The following DSCAML1 variants were observed in gnomAD, a reference collection of about 807,000 sequenced individuals.
DSCAML1 encodes DS cell adhesion molecule like 1, also known as cell adhesion molecule DSCAML1.
DSCAML1 carries 38 observed loss-of-function variants against 200.5 expected under a neutral mutation model. The observed-to-expected ratio is 0.19, with a 90% confidence interval of 0.15 to 0.25. The LOEUF (loss-of-function observed/expected upper bound fraction) is 0.25, where lower values mean the gene tolerates loss of function less well. Among genes scored for constraint, DSCAML1 ranks in the 10% least tolerant of loss-of-function variants. The pLI, the probability that DSCAML1 is intolerant of heterozygous loss-of-function variation, is 1.00. For synonymous variants in DSCAML1, 1,215 were observed against 1,165.0 expected (o/e 1.04, Z -0.87); for missense variants, 2,223 against 2,858.8 (o/e 0.78, Z 5.07).
intron 11 of DSCAML1, among the ~76,000 whole-genome samples, chr11:117,486,410 G>GTGGCGGATGTGAAAA (rs1169482541): frequency 2.0e-5 from 3 of 151,762 alleles, no homozygotes; most frequent in Non-Finnish European, 4.4e-5. Context: ...GGATGGGAAA[G>GTGGCGGATGTGAAAA]TGGCGGATGT....
intron 3 of DSCAML1, among the ~76,000 whole-genome samples, chr11:117,557,895 G>A (rs2050587960): frequency 6.6e-6 from 1 of 152,076 alleles, no homozygotes; most frequent in Non-Finnish European, 1.5e-5. Context: ...GGCATTTTTG[G>A]TTGTCATGAC....
intron 3 of DSCAML1, among the ~76,000 whole-genome samples, chr11:117,759,684 G>A (rs1176722225): frequency 6.6e-6 from 1 of 152,100 alleles, no homozygotes; most frequent in Non-Finnish European, 1.5e-5. Flanking sequence ...TCTCTGGACG[G>A]GAGGACAGAG....
At chr11:117,681,128 C>T (rs1475731129) in intron 3 of DSCAML1, among the ~76,000 whole-genome samples, 1 of 152,148 alleles carries the variant, frequency 6.6e-6, no homozygotes, top group Non-Finnish European at 1.5e-5. Context: ...CATCTGCAAA[C>T]CCACCCTTCT....
intron 20 of DSCAML1, among the ~76,000 whole-genome samples, chr11:117,446,602 CAAAGAAAGG>C: frequency 6.6e-6 from 1 of 151,832 alleles, no homozygotes. Context: ...AACTAGTAAC[CAAAGAAAGG>C]TACTTTAAAA....
At chr11:117,484,801 A>G (rs2049004577) in intron 11 of DSCAML1, among the ~76,000 whole-genome samples, 1 of 152,008 alleles carries the variant, frequency 6.6e-6, no homozygotes, top group Non-Finnish European at 1.5e-5. Context: ...TGGGACCCCC[A>G]TGGGTCGGGC....
At chr11:117,694,424 G>A (rs2053552707) in intron 3 of DSCAML1, among the ~76,000 whole-genome samples, 1 of 151,378 alleles carries the variant, frequency 6.6e-6, no homozygotes, top group Non-Finnish European at 1.5e-5. Flanking sequence ...AAAAAAAAAA[G>A]ATATGTGTCC....
At chr11:117,792,397 G>A (rs1324272471) in intron 1 of DSCAML1, among the ~76,000 whole-genome samples, 1 of 152,038 alleles carries the variant, frequency 6.6e-6, no homozygotes, top group East Asian at 1.9e-4. Context: ...GGGCCACTCA[G>A]CTCTCCTGAA....
At chr11:117,566,340 T>TTCTC (rs57468415) in intron 3 of DSCAML1, among the ~76,000 whole-genome samples, 25 of 141,848 alleles carry the variant, frequency 1.8e-4, no homozygotes, top group East Asian at 1.2e-3. Flanking sequence ...TTTCTTTTCT[T>TTCTC]TCTCTCTCTC....
In DSCAML1 at chr11:117,480,121, G is replaced by A. The variant is rs546482118; in HGVS notation, c.2785+322C>T. 6.6e-6 allele frequency among the ~76,000 whole-genome samples: 1 copy of A among 152,292 alleles called. No individual in the cohort carries two copies. Among genetic ancestry groups the A allele is most frequent in the Non-Finnish European group, 1.5e-5 (1 of 68,024 alleles). ...CGTGATGCTTCTGATGCCAGAGACA[G>A]CCCACAGCCCTGGGTTCAGTGCCCT... On this transcript the variant is annotated intron_variant, in intron 14 of 32. Transcript: ENST00000651296. The surrounding 1 kb of genome is among the most constrained non-coding windows in gnomAD (Gnocchi z 4.1).
At chr11:117,502,300 C>T (rs545811118) in intron 11 of DSCAML1, among the ~76,000 whole-genome samples, 2 of 152,176 alleles carry the variant, frequency 1.3e-5, no homozygotes, top group South Asian at 2.1e-4. Flanking sequence ...GGCAGCTCAG[C>T]GGAATCCCCC....
In DSCAML1 at chr11:117,469,524, T is replaced by C. The variant is rs2048644181; in HGVS notation, c.3024+386A>G. Among the ~76,000 whole-genome samples, 1 of 152,140 alleles carries C rather than the reference T, an allele frequency of 6.6e-6. No homozygotes were observed. The highest frequency in any genetic ancestry group is 2.4e-5 in the African/African-American group (1 of 41,418). ...CCCTCAGAGGTAGGGAGGGCAGTTG[T>C]TTTCATGCTGATGTTAGAAAGGAGG... On this transcript the variant is annotated intron_variant, in intron 16 of 32. Transcript: ENST00000651296. The surrounding 1 kb of genome is among the most constrained non-coding windows in gnomAD (Gnocchi z 4.1).
At chr11:117,512,776 CACACA>C (rs1326953833) in intron 8 of DSCAML1, among the ~76,000 whole-genome samples, 9 of 147,894 alleles carry the variant, frequency 6.1e-5, no homozygotes, top group African/African-American at 2.2e-4. Context: ...CACACACACA[CACACA>C]CACACACACA....
At chr11:117,731,522 A>C (rs2054219236) in intron 3 of DSCAML1, among the ~76,000 whole-genome samples, 1 of 151,984 alleles carries the variant, frequency 6.6e-6, no homozygotes, top group Non-Finnish European at 1.5e-5. Flanking sequence ...TTTCCCTGTA[A>C]ACTCCCTTGG....
chr11:117,526,706 C>T (rs1466986005), intron 4 of DSCAML1, among the ~76,000 whole-genome samples: 2 of 151,982 alleles, frequency 1.3e-5, no homozygotes, highest in African/African-American at 2.4e-5. Context: ...TTAGTGGAGA[C>T]GGAGTTTCAC....
intron 16 of DSCAML1, among the ~76,000 whole-genome samples, chr11:117,468,173 T>C (rs77614291): frequency 0.018 from 2,803 of 152,280 alleles, 74 homozygotes; most frequent in African/African-American, 0.062. Flanking sequence ...CTCTGAAGCA[T>C]TAAGAAATCA....
At chr11:117,484,842 G>T (rs1340170589) in intron 11 of DSCAML1, among the ~76,000 whole-genome samples, 1 of 151,876 alleles carries the variant, frequency 6.6e-6, no homozygotes, top group Non-Finnish European at 1.5e-5. Context: ...GAGGAATCCT[G>T]TTCCTGAGAG....
At chr11:117,715,841 G>A (rs1591434254) in intron 3 of DSCAML1, among the ~76,000 whole-genome samples, 1 of 152,212 alleles carries the variant, frequency 6.6e-6, no homozygotes, top group South Asian at 2.1e-4. Context: ...TCCAGTCGGT[G>A]TGGTTTAACC....
At chr11:117,635,365 C>T (rs557341525) in intron 3 of DSCAML1, among the ~76,000 whole-genome samples, 7 of 152,058 alleles carry the variant, frequency 4.6e-5, no homozygotes, top group South Asian at 2.1e-4. Context: ...CTTTTCACAG[C>T]GCCAGAGTCC....
At chr11:117,623,689 T>A (rs1311334226) in intron 3 of DSCAML1, among the ~76,000 whole-genome samples, 2 of 152,216 alleles carry the variant, frequency 1.3e-5, no homozygotes, top group African/African-American at 4.8e-5. Flanking sequence ...CCTCATCATA[T>A]GGTTATAAAG....
Sources: gnomAD v4.1 joint callset for allele counts (sites outside exome capture counted in the v4.1 genomes callset) on GRCh38, gnomAD v4.1.1 for gene constraint, Gnocchi (gnomAD v3.1) non-coding constraint, MANE v1.5 for transcripts, NCBI Gene and HGNC (gene_info 2026-07-23, HGNC 2026-07-21) for gene names.